The following HECW1 variants were observed in gnomAD, a reference collection of about 807,000 sequenced individuals.
The protein encoded by HECW1 is E3 ubiquitin-protein ligase HECW1.
HECW1 carries 61 observed loss-of-function variants against 182.3 expected under a neutral mutation model. That is an observed-to-expected ratio of 0.33 (90% CI 0.27 to 0.41). HECW1 has a LOEUF of 0.41. Among genes scored for constraint, HECW1 ranks in the 10% least tolerant of loss-of-function variants. HECW1 has a pLI of 1.00. For synonymous variants in HECW1, 859 were observed against 832.6 expected, an observed-to-expected ratio of 1.03 and a Z score of -0.55; for missense variants, 1,739 against 2,108.9, an observed-to-expected ratio of 0.82 and a Z score of 3.44.
Position 43,565,211 on chromosome 7 carries a change from T to G in HECW1, c.*3285T>G, listed in dbSNP as rs546766039. 1 of 202,110 alleles carries G rather than the reference T, an allele frequency of 4.9e-6. No individual in the cohort carries two copies. The highest frequency in any genetic ancestry group is 2.3e-5 in the African/African-American group (1 of 43,700). 12.5% of individuals were successfully genotyped at this position (202,110 alleles called of 1,614,324 possible). On this transcript the variant is annotated 3_prime_UTR_variant, in exon 30 of 30. Transcript: ENST00000395891. ...CTACTGAACTCTTTGTAATTTCCTATGTATATAAATGAGTGGAGGTTGTGA... is the reference window on the plus strand; with the variant it reads ...CTACTGAACTCTTTGTAATTTCCTAGGTATATAAATGAGTGGAGGTTGTGA...
In HECW1 at chr7:43,424,583, A is replaced by G. The variant is rs1044204862; in HGVS notation, c.802-13420A>G. Among the ~76,000 whole-genome samples, 9 of 152,188 alleles carry G rather than the reference A, an allele frequency of 5.9e-5. No individual in the cohort carries two copies. The East Asian group carries it at 1.7e-3, about 29-fold the overall frequency. Reference sequence around the variant, plus strand: ...GGCTGCAGTGAGCCATGATCACACCACTGCACTCCAGCCAGGGTGGCAGAG... The same window carrying G: ...GGCTGCAGTGAGCCATGATCACACCGCTGCACTCCAGCCAGGGTGGCAGAG... On this transcript the variant is annotated intron_variant, in intron 8 of 29. Transcript: ENST00000395891.
At chr7:43,189,900 A>G (rs888721576) in intron 2 of HECW1, among the ~76,000 whole-genome samples, 6 of 152,212 alleles carry the variant, frequency 3.9e-5, no homozygotes, top group African/African-American at 7.2e-5. Flanking sequence ...GACCTGCAAC[A>G]TATTTTGAAT....
intron 4 of HECW1, among the ~76,000 whole-genome samples, chr7:43,312,399 T>C (rs1055419853): frequency 1.5e-4 from 23 of 152,260 alleles, no homozygotes; most frequent in Admixed American, 1.1e-3. Context: ...CAAAGCCTGT[T>C]TTTAAGTCTA....
intron 2 of HECW1, among the ~76,000 whole-genome samples, chr7:43,184,511 TG>T (rs1212517413): frequency 1.3e-5 from 2 of 152,172 alleles, no homozygotes; most frequent in East Asian, 1.9e-4. Flanking sequence ...GAGTGCTTTT[TG>T]TATGCTAAAG....
chr7:43,201,232 G>C (rs1794992044), intron 2 of HECW1, among the ~76,000 whole-genome samples: 1 of 152,184 alleles, frequency 6.6e-6, no homozygotes. Context: ...GTGAATTAGA[G>C]GACACTCCAA....
intron 2 of HECW1, among the ~76,000 whole-genome samples, chr7:43,199,097 A>ACT (rs1057490817): frequency 1.1e-4 from 16 of 151,838 alleles, no homozygotes; most frequent in Non-Finnish European, 1.8e-4. Flanking sequence ...CTCATTGCAC[A>ACT]CTCTCTCTCT....
rs185179209 is a variant in HECW1 at position 43,488,732 on chromosome 7, T to G, written c.3235-3343T>G. 5.9e-5 allele frequency among the ~76,000 whole-genome samples: 9 copies of G among 152,312 alleles called. No individual in the cohort carries two copies. The East Asian group carries it at 1.5e-3, about 26-fold the overall frequency. On this transcript the variant is annotated intron_variant, in intron 17 of 29. Transcript: ENST00000395891. ...TCGCTGTCCATTCCTGGGCCCCTTG[T>G]TGGAGAAGGGCGTTTCCATCCAATC...
intron 14 of HECW1, among the ~76,000 whole-genome samples, 161 bp downstream of exon 14, chr7:43,463,960 G>C (rs1275335638): frequency 6.6e-6 from 1 of 152,172 alleles, no homozygotes; most frequent in Non-Finnish European, 1.5e-5. Context: ...GCCCGCAAGG[G>C]AAAGCAGACA....
At chr7:43,397,261 C>A (rs755326631) in intron 7 of HECW1, among the ~76,000 whole-genome samples, 4 of 151,910 alleles carry the variant, frequency 2.6e-5, no homozygotes, top group South Asian at 2.1e-4. Flanking sequence ...GCACAACTGG[C>A]AAAACAGATA....
intron 16 of HECW1, among the ~76,000 whole-genome samples, chr7:43,477,127 C>A (rs1187488353): frequency 6.6e-6 from 1 of 152,122 alleles, no homozygotes; most frequent in Non-Finnish European, 1.5e-5. Flanking sequence ...AATTGTAATT[C>A]ATCATTATTT....
At chr7:43,513,791 G>A (rs565587870) in intron 24 of HECW1, among the ~76,000 whole-genome samples, 44 of 152,012 alleles carry the variant, frequency 2.9e-4, no homozygotes, top group South Asian at 2.1e-4. Context: ...TTATTTGTAC[G>A]ACTGACTTCC....
Position 43,200,301 on chromosome 7 carries a change from G to A in HECW1, c.-31-43574G>A, listed in dbSNP as rs138240605. 2.7e-3 allele frequency among the ~76,000 whole-genome samples: 413 copies of A among 152,194 alleles called. 1 individual carries two copies. The highest frequency in any genetic ancestry group is 9.5e-3 in the African/African-American group (396 of 41,548). On this transcript the variant is annotated intron_variant, in intron 2 of 29. Transcript: ENST00000395891. Reference sequence around the variant, plus strand: ...AAAAAGTAAGATTGAAATATTGTCCGTTAGTACACCTTTGTAATATGATGC... The same window carrying A: ...AAAAAGTAAGATTGAAATATTGTCCATTAGTACACCTTTGTAATATGATGC...
intron 15 of HECW1, among the ~76,000 whole-genome samples, chr7:43,467,995 A>G (rs905679648): frequency 6.6e-6 from 1 of 152,044 alleles, no homozygotes; most frequent in Non-Finnish European, 1.5e-5. Flanking sequence ...CGCATGGCAC[A>G]TGGCCATGCC....
At chr7:43,364,267 T>G (rs1816335300) in intron 6 of HECW1, among the ~76,000 whole-genome samples, 1 of 152,198 alleles carries the variant, frequency 6.6e-6, no homozygotes, top group South Asian at 2.1e-4. Flanking sequence ...TCTCATTGTC[T>G]TGTTCCCTCT....
In HECW1 at chr7:43,438,169, C is replaced by T. The variant is rs867791708; in HGVS notation, c.944+24C>T. 1.9e-6 allele frequency: 3 copies of T among 1,605,012 alleles called. No individual in the cohort carries two copies. In the Middle Eastern group the frequency reaches 5.0e-4, roughly 266 times the overall value. On this transcript the variant is annotated intron_variant, in intron 9 of 29. Transcript: ENST00000395891. ...GGGTAAACCTGTGACTGAGATCTTA[C>T]TATCACTAGGTTCCCACCAACAGGT...
At chr7:43,343,223 A>G (rs1813235711) in intron 5 of HECW1, among the ~76,000 whole-genome samples, 1 of 150,742 alleles carries the variant, frequency 6.6e-6, no homozygotes, top group African/African-American at 2.5e-5. Context: ...TGATGTTCAG[A>G]TATTCACGGT....
At chr7:43,383,109 A>T (rs556251501) in intron 6 of HECW1, among the ~76,000 whole-genome samples, 4 of 152,122 alleles carry the variant, frequency 2.6e-5, no homozygotes, top group African/African-American at 9.6e-5. Flanking sequence ...AAGGACATGA[A>T]CTCATTATTT....
chr7:43,287,645 A>G (rs1804826707), intron 3 of HECW1, among the ~76,000 whole-genome samples: 1 of 122,216 alleles, frequency 8.2e-6, no homozygotes, highest in African/African-American at 5.2e-5. Flanking sequence ...TCCCTGATTT[A>G]GGTTTTTTAA....
In HECW1 at chr7:43,407,664, C is replaced by G; in HGVS notation, c.734C>G (p.Pro245Arg). Residue 245 changes from proline (P) to arginine (R), a missense_variant, in exon 8 of 30, where the codon CCT becomes CGT. Pro to Arg is a moderately radical substitution (Grantham distance 103, BLOSUM62 -2). Around this residue, in one of 5 missense-constraint regions of HECW1, gnomAD observed 279 missense variants for 353.1 expected, o/e 0.79. Coordinates refer to ENST00000395891, the MANE Select transcript of HECW1 (RefSeq NM_015052.5). ...AAACACAGCATCTTCCCCGCCCTCC[C>G]TCACCATGGACAGGAGAGGAGATCC... ...PGKHSIFPAL[P>R]HHGQERRSKI... 1.9e-6 allele frequency: 3 copies of G among 1,614,088 alleles called. No homozygotes were observed. The highest frequency in any genetic ancestry group is 2.5e-6 in the Non-Finnish European group (3 of 1,179,984).
Sources: gnomAD v4.1 joint callset for allele counts (sites outside exome capture counted in the v4.1 genomes callset) on GRCh38, gnomAD v4.1.1 for gene constraint, gnomAD v4.1.1 regional missense constraint, MANE v1.5 for transcripts, NCBI Gene and HGNC (gene_info 2026-07-23, HGNC 2026-07-21) for gene names.